Variants in QRICH1 observed in about 807,000 individuals in gnomAD.
QRICH1 encodes transcriptional regulator QRICH1.
In QRICH1, 16 loss-of-function variants were observed where a neutral mutation model predicts 87.1. That is an observed-to-expected ratio of 0.18 (90% CI 0.12 to 0.28). The LOEUF is 0.28. Ranked by LOEUF, QRICH1 falls within the 10% of genes least tolerant of loss-of-function variation. The probability of loss-of-function intolerance (pLI) is 1.00; values close to 1 mark genes in which losing one functional copy is unlikely to be tolerated. For synonymous variants in QRICH1, 367 were observed against 368.4 expected (o/e 1.00, Z 0.05); for missense variants, 647 against 951.7 (o/e 0.68, Z 4.21).
chr3:49,034,895 G>C (rs926634034), intron 6 of QRICH1, among the ~76,000 whole-genome samples: 4 of 152,196 alleles, frequency 2.6e-5, no homozygotes, highest in Non-Finnish European at 5.9e-5. Flanking sequence ...GATTCTCCAA[G>C]CAAGCACAGT....
At chr3:49,056,477 A>G (rs561130560) in intron 3 of QRICH1, among the ~76,000 whole-genome samples, 2 of 152,352 alleles carry the variant, frequency 1.3e-5, no homozygotes, top group South Asian at 4.1e-4. Context: ...GTGATAAACT[A>G]CAAGTGTTTT....
Position 49,057,389 on chromosome 3 carries a change from T to G in QRICH1, c.811A>C (p.Ile271Leu). 6.2e-7 allele frequency: 1 copy of G among 1,614,114 alleles called. No homozygotes were observed. The highest frequency in any genetic ancestry group is 8.5e-7 in the Non-Finnish European group (1 of 1,180,028). ...TAACTCTGCTGCTGGCCCTGTGGAATGGCCAGCACGGTGGCCACCGGCTGC... is the reference window on the plus strand; with the variant it reads ...TAACTCTGCTGCTGGCCCTGTGGAAGGGCCAGCACGGTGGCCACCGGCTGC... The part of the protein sequence containing the change: ...SGQPVATVLA[I>L]PQGQQQSYVS... The change falls in exon 3 of 10, where the codon ATT becomes CTT. Residue 271 changes from isoleucine to leucine, a missense_variant. Ile to Leu is a conservative substitution (Grantham distance 5). This residue lies in a region of QRICH1 where 75 missense variants were observed against 141.0 expected (regional missense o/e 0.53). Transcript: ENST00000395443. The surrounding 1 kb of genome is among the most constrained non-coding windows in gnomAD (Gnocchi z 5.4).
Position 49,076,957 on chromosome 3 carries a change from A to C in QRICH1, c.61T>G (p.Ser21Ala), listed in dbSNP as rs775562697. ...TCCTTCATCCTGTGTTGCGGGACAG[A>C]CCGTGCCTTTACTCGGATGTACTCT... is the stretch of plus-strand genomic sequence containing the variant. ...FEEYIRVKAR[S>A]VPQHRMKEFL... is the part of the protein sequence containing the mutation. Residue 21 changes from serine to alanine, a missense_variant, in exon 2 of 10, where the codon TCT (serine) becomes GCT (alanine). This residue lies in a region of QRICH1 where 56 missense variants were observed against 109.6 expected (regional missense o/e 0.51). Coordinates refer to ENST00000395443, the MANE Select transcript of QRICH1 (RefSeq NM_198880.3). 1.3e-6 allele frequency: 2 copies of C among 1,595,678 alleles called. No individual in the cohort carries two copies. The highest frequency in any genetic ancestry group is 2.2e-5 in the South Asian group (2 of 89,238).
intron 4 of QRICH1, among the ~76,000 whole-genome samples, 196 bp from the exon 5 acceptor site, chr3:49,046,775 C>T (rs1184691343): frequency 2.6e-5 from 4 of 152,124 alleles, no homozygotes; most frequent in Non-Finnish European, 5.9e-5. Flanking sequence ...GGCTTGAGTG[C>T]CTATCCCTGG....
intron 2 of QRICH1, among the ~76,000 whole-genome samples, chr3:49,073,172 A>G (rs185615802): frequency 1.3e-5 from 2 of 152,204 alleles, no homozygotes; most frequent in African/African-American, 2.4e-5. Flanking sequence ...TCCAGAATAC[A>G]ATGAAATTAA....
At chr3:49,051,343 C>T (rs1004380133) in intron 3 of QRICH1, among the ~76,000 whole-genome samples, 1 of 152,128 alleles carries the variant, frequency 6.6e-6, no homozygotes, top group African/African-American at 2.4e-5. Flanking sequence ...GCACTCTGCT[C>T]GGCTTCCTGA....
intron 6 of QRICH1, among the ~76,000 whole-genome samples, chr3:49,037,510 T>C (rs986654962): frequency 3.3e-5 from 5 of 152,170 alleles, no homozygotes; most frequent in African/African-American, 7.2e-5. Context: ...GGCAGGTGGA[T>C]TGCCTGAGCT....
chr3:49,057,998 A>G lies in QRICH1; in HGVS notation c.310-108T>C. ...AGACAGGGGACCTGCAAAATGTGAG[A>G]AAACACTGGCATACTCAAGGCTTCT... On this transcript the variant is annotated intron_variant, in intron 2 of 9. Coordinates refer to ENST00000395443, the MANE Select transcript of QRICH1 (RefSeq NM_198880.3). The surrounding 1 kb of genome is among the most constrained non-coding windows in gnomAD (Gnocchi z 5.4). The G allele has an allele frequency of 6.4e-7, 1 of 1,571,864 alleles. No homozygotes were observed. The highest frequency in any genetic ancestry group is 1.1e-5 in the South Asian group (1 of 87,750).
intron 6 of QRICH1, among the ~76,000 whole-genome samples, chr3:49,043,496 C>CAAA (rs57402124): frequency 3.5e-4 from 13 of 37,610 alleles, no homozygotes; most frequent in African/African-American, 1.1e-3. Flanking sequence ...AACTCTGTCT[C>CAAA]AAAAAAAAAA....
intron 6 of QRICH1, among the ~76,000 whole-genome samples, chr3:49,038,100 T>G (rs1042916939): frequency 1.3e-5 from 2 of 151,892 alleles, no homozygotes; most frequent in Admixed American, 1.3e-4. Flanking sequence ...CTCGGTCTGT[T>G]GCCCAGGCTA....
At chr3:49,074,416 C>G (rs1285930077) in intron 2 of QRICH1, among the ~76,000 whole-genome samples, 1 of 150,752 alleles carries the variant, frequency 6.6e-6, no homozygotes, top group African/African-American at 2.4e-5. Context: ...ACTTAAAATA[C>G]AAAAAATTAG....
At chr3:49,059,787 G>A (rs1191277206) in intron 2 of QRICH1, among the ~76,000 whole-genome samples, 1 of 149,468 alleles carries the variant, frequency 6.7e-6, no homozygotes, top group Non-Finnish European at 1.5e-5. Flanking sequence ...TGGTAGTCAC[G>A]GCTCACCGTA....
chr3:49,070,752 T>C (rs974626441), intron 2 of QRICH1, among the ~76,000 whole-genome samples: 2 of 152,164 alleles, frequency 1.3e-5, no homozygotes, highest in African/African-American at 4.8e-5. Context: ...AATTCTTTAT[T>C]TTTTAAAAGT....
chr3:49,033,310 G>C (rs773665766), intron 6 of QRICH1, 82 bp from the exon 7 acceptor site: 18 of 778,778 alleles, frequency 2.3e-5, no homozygotes, highest in Admixed American at 3.6e-5. Context: ...TGAAGCATAA[G>C]GACCACACAG....
At chr3:49,043,496 C>CA (rs57402124) in intron 6 of QRICH1, among the ~76,000 whole-genome samples, 10,828 of 37,128 alleles carry the variant, frequency 0.29, 3,157 homozygotes, top group Non-Finnish European at 0.41. Flanking sequence ...AACTCTGTCT[C>CA]AAAAAAAAAA....
chr3:49,067,567 C>G (rs758633937), intron 2 of QRICH1, among the ~76,000 whole-genome samples: 14 of 147,888 alleles, frequency 9.5e-5, no homozygotes, highest in Admixed American at 6.8e-4. Context: ...AACTCTGTCT[C>G]GAAAAAAAAA....
rs199994093 is a variant in QRICH1 at position 49,075,638 on chromosome 3, A to AAAAC, written c.309+1067_309+1070dup. On this transcript the variant is annotated intron_variant, in intron 2 of 9. Coordinates refer to ENST00000395443, the MANE Select transcript of QRICH1 (RefSeq NM_198880.3). ...AAGAGCGAAACTCCAACTCAAAGAA[A>AAAAC]AAACAAACAAACAAAAAAAAGGCTG... Among the ~76,000 whole-genome samples the AAAAC allele has an allele frequency of 7.1e-3, 1,069 of 150,376 alleles. 13 individuals are homozygous for AAAAC. Among genetic ancestry groups the AAAAC allele is most frequent in the South Asian group, 0.042 (198 of 4,756 alleles).
intron 1 of QRICH1, among the ~76,000 whole-genome samples, chr3:49,078,943 C>T (rs1455616342): frequency 1.3e-5 from 2 of 151,996 alleles, no homozygotes; most frequent in Non-Finnish European, 2.9e-5. Flanking sequence ...CCTCCCGCCT[C>T]GGCCTCCCAA....
Position 49,032,258 on chromosome 3 carries a change from T to C in QRICH1, c.2063A>G (p.Tyr688Cys), listed in dbSNP as rs2093245554. The C allele has an allele frequency of 6.2e-7, 1 of 1,613,186 alleles. No homozygotes were observed. Among genetic ancestry groups the C allele is most frequent in the Admixed American group, 1.7e-5 (1 of 59,976 alleles). ...QTGQKVTDDM[Y>C]AEQTENPENP... ...CTCTGGATTTTCCGTCTGTTCTGCATACATGTCATCTGTAACTATAAAACA... is the reference window on the plus strand; with the variant it reads ...CTCTGGATTTTCCGTCTGTTCTGCACACATGTCATCTGTAACTATAAAACA... Residue 688 changes from tyrosine to cysteine, a missense_variant, in exon 9 of 10, where the codon TAT (tyrosine) becomes TGT (cysteine). Tyr to Cys is a radical substitution (Grantham distance 194, BLOSUM62 -2). Coordinates refer to ENST00000395443, the MANE Select transcript of QRICH1 (RefSeq NM_198880.3).
Sources: allele counts gnomAD v4.1 joint callset (sites outside exome capture counted in the v4.1 genomes callset), GRCh38; gene constraint gnomAD v4.1.1; regional missense constraint gnomAD v4.1.1; non-coding constraint Gnocchi (gnomAD v3.1); transcripts MANE v1.5; gene names NCBI Gene and HGNC (gene_info 2026-07-23, HGNC 2026-07-21).